The following TMEM255B variants were observed in gnomAD, a reference collection of about 807,000 sequenced individuals.
The protein encoded by TMEM255B is transmembrane protein 255B, also known as family with sequence similarity 70, member B.
TMEM255B carries 35 observed loss-of-function variants against 34.5 expected under a neutral mutation model. The ratio of observed to expected loss-of-function variants is 1.01; its 90% confidence interval spans 0.77 to 1.34. The LOEUF (loss-of-function observed/expected upper bound fraction) is 1.34. TMEM255B is among the 40% of genes most tolerant of loss of function. The probability of loss-of-function intolerance (pLI) is 0.00; values close to 1 mark genes in which losing one functional copy is unlikely to be tolerated. For missense variants in TMEM255B, 432 were observed against 433.2 expected (o/e 1.00, Z 0.02); for synonymous variants, 206 against 201.2 (o/e 1.02, Z -0.20).
At position 113,770,778 on chromosome 13, in the gene TMEM255B, A is replaced by G. The variant is rs186069838; in HGVS notation, c.252+1618A>G. ...GAAACAGACGCCACCTTTGGGAGCCAGCATGCCCCCATGATGGTCTCTAGA... is the reference window on the plus strand; with the variant it reads ...GAAACAGACGCCACCTTTGGGAGCCGGCATGCCCCCATGATGGTCTCTAGA... On this transcript the variant is annotated intron_variant, in intron 3 of 8. Coordinates refer to ENST00000375353, the MANE Select transcript of TMEM255B (RefSeq NM_182614.4). This position sits in a 1 kb window ranked among gnomAD's most constrained non-coding sequence, Gnocchi z 4.6. 1.3e-5 allele frequency among the ~76,000 whole-genome samples: 2 copies of G among 152,258 alleles called. No individual in the cohort carries two copies. Among genetic ancestry groups the G allele is most frequent in the African/African-American group, 2.4e-5 (1 of 41,560 alleles).
At chr13:113,789,508 G>A (rs563728043) in intron 3 of TMEM255B, among the ~76,000 whole-genome samples, 5 of 152,356 alleles carry the variant, frequency 3.3e-5, no homozygotes, top group South Asian at 4.1e-4. Context: ...AGTCCAGGGG[G>A]ATGTGGGCTG....
chr13:113,790,083 C>A (rs1342116313), intron 3 of TMEM255B, among the ~76,000 whole-genome samples: 1 of 149,898 alleles, frequency 6.7e-6, no homozygotes, highest in African/African-American at 2.5e-5. Context: ...ATTCACTGGG[C>A]ACATGGACAT....
At chr13:113,774,554 A>T (rs2050528409) in intron 3 of TMEM255B, among the ~76,000 whole-genome samples, 1 of 147,026 alleles carries the variant, frequency 6.8e-6, no homozygotes, top group African/African-American at 2.6e-5. Flanking sequence ...GCCACACACC[A>T]CACACACACA....
intron 4 of TMEM255B, among the ~76,000 whole-genome samples, chr13:113,798,002 C>T (rs930054453): frequency 1.1e-4 from 16 of 152,184 alleles, no homozygotes; most frequent in African/African-American, 3.6e-4. Flanking sequence ...TGTGTCTGCT[C>T]CATGAATGTT....
At chr13:113,782,988 A>G (rs561367313) in intron 3 of TMEM255B, among the ~76,000 whole-genome samples, 2 of 152,290 alleles carry the variant, frequency 1.3e-5, no homozygotes, top group South Asian at 4.2e-4. Flanking sequence ...TGTTAAAGAC[A>G]TGGAAGGCTG....
At chr13:113,789,982 C>CCGGGCACG (rs2050801192) in intron 3 of TMEM255B, among the ~76,000 whole-genome samples, 1 of 151,916 alleles carries the variant, frequency 6.6e-6, no homozygotes, top group Non-Finnish European at 1.5e-5. Context: ...GCTGGACTGA[C>CCGGGCACG]TGGGCACGTG....
chr13:113,761,533 C>G (rs1024520796), intron 1 of TMEM255B, among the ~76,000 whole-genome samples: 2 of 152,168 alleles, frequency 1.3e-5, no homozygotes, highest in Admixed American at 1.3e-4. Context: ...AAAATCAGCG[C>G]ACTTGATAGC....
At chr13:113,788,876 C>T (rs1290733203) in intron 3 of TMEM255B, among the ~76,000 whole-genome samples, 4 of 152,088 alleles carry the variant, frequency 2.6e-5, no homozygotes, top group East Asian at 1.9e-4. Flanking sequence ...ACCCGGGGGC[C>T]GCGCCGCGCC....
intron 8 of TMEM255B, 62 bp downstream of exon 8, chr13:113,805,090 A>G (rs1594166728): frequency 6.7e-7 from 1 of 1,485,770 alleles, no homozygotes; most frequent in East Asian, 2.5e-5. Flanking sequence ...GATGGACAGG[A>G]TGGGGCTGGG....
Position 113,766,119 on chromosome 13 carries a change from G to A in TMEM255B, c.51G>A (p.Gly17=). 6.2e-7 allele frequency: 1 copy of A among 1,614,166 alleles called. No individual in the cohort carries two copies. Among genetic ancestry groups the A allele is most frequent in the Non-Finnish European group, 8.5e-7 (1 of 1,180,042 alleles). Residue 17 remains glycine, a synonymous_variant, in exon 2 of 9, where the codon GGG becomes GGA. Coordinates refer to ENST00000375353, the MANE Select transcript of TMEM255B (RefSeq NM_182614.4). ...TCCTCGCCTTCCTCCCCACAGAAGG[G>A]CTTTCGAGGAGGAAGAAGACGTCGC... ...GPLGLLDPAE[G]LSRRKKTSLW...
At chr13:113,811,221 G>T (rs1353972363) in intron 8 of TMEM255B, among the ~76,000 whole-genome samples, 1 of 129,004 alleles carries the variant, frequency 7.8e-6, no homozygotes, top group Non-Finnish European at 1.7e-5. Context: ...CTGTGGGGGG[G>T]GCCGGTGAGA....
intron 3 of TMEM255B, among the ~76,000 whole-genome samples, chr13:113,785,393 G>A (rs963643335): frequency 1.3e-5 from 2 of 152,176 alleles, no homozygotes; most frequent in African/African-American, 4.8e-5. Context: ...GGGCAGAGAG[G>A]GAGGCTTGCG....
intron 5 of TMEM255B, chr13:113,799,939 G>A: frequency 7.7e-7 from 1 of 1,292,336 alleles, no homozygotes; most frequent in Non-Finnish European, 1.0e-6. Flanking sequence ...GTGGATTCCT[G>A]GCTTTAACTA....
chr13:113,800,490 C>T (rs1006088058), intron 5 of TMEM255B, among the ~76,000 whole-genome samples: 1 of 152,070 alleles, frequency 6.6e-6, no homozygotes, highest in Non-Finnish European at 1.5e-5. Context: ...GGCTTCTGTG[C>T]ACCCCACGCC....
intron 8 of TMEM255B, among the ~76,000 whole-genome samples, chr13:113,807,272 C>T (rs116361035): frequency 0.081 from 12,201 of 150,078 alleles, 551 homozygotes; most frequent in Admixed American, 0.14. Context: ...TGGTCCTTCC[C>T]GTCACACGCA....
At chr13:113,774,750 CACACACCA>C (rs1566724408) in intron 3 of TMEM255B, among the ~76,000 whole-genome samples, 1 of 56,274 alleles carries the variant, frequency 1.8e-5, no homozygotes, top group Non-Finnish European at 5.0e-5. Context: ...ACACACACTA[CACACACCA>C]CACACCACAC....
intron 8 of TMEM255B, among the ~76,000 whole-genome samples, chr13:113,808,153 AG>A (rs1172869292): frequency 6.6e-6 from 1 of 152,130 alleles, no homozygotes; most frequent in Non-Finnish European, 1.5e-5. Context: ...GAAAATATTC[AG>A]GGTGTTCCAT....
rs921549636 is a variant in TMEM255B at position 113,804,190 on chromosome 13, C to T, written c.670-695C>T. The stretch of plus-strand genomic sequence containing the variant: ...CCCCTCCCTCTGTAGGGGATGAGGC[C>T]GGCCGGGGCCTGAGTTGGAGCCAGC... On this transcript the variant is annotated intron_variant, in intron 7 of 8. Coordinates refer to ENST00000375353, the MANE Select transcript of TMEM255B (RefSeq NM_182614.4). Among the ~76,000 whole-genome samples, 67 of 152,222 alleles carry T rather than the reference C, an allele frequency of 4.4e-4. 1 individual carries two copies. Among genetic ancestry groups the T allele is most frequent in the Non-Finnish European group, 2.4e-4 (16 of 68,038 alleles).
intron 3 of TMEM255B, among the ~76,000 whole-genome samples, chr13:113,775,057 C>T (rs59061423): frequency 2.4e-5 from 2 of 81,904 alleles, no homozygotes; most frequent in East Asian, 4.4e-4. Context: ...ACACAACACA[C>T]CACACACCAC....
Sources: allele counts gnomAD v4.1 joint callset (sites outside exome capture counted in the v4.1 genomes callset), GRCh38; gene constraint gnomAD v4.1.1; non-coding constraint Gnocchi (gnomAD v3.1); transcripts MANE v1.5; gene names NCBI Gene and HGNC (gene_info 2026-07-23, HGNC 2026-07-21).